HTR7: variants seen among roughly 807,000 people sequenced by gnomAD.
HTR7 encodes 5-HT-7.
In HTR7, 16 loss-of-function variants were observed where a neutral mutation model predicts 34.0. The ratio of observed to expected loss-of-function variants is 0.47; its 90% CI spans 0.32 to 0.71. The LOEUF (loss-of-function observed/expected upper bound fraction) is 0.71. Ranked by LOEUF, HTR7 falls within the 30% of genes least tolerant of loss-of-function variation. HTR7 has a pLI of 0.04. For synonymous variants in HTR7, 265 were observed against 260.2 expected (o/e 1.02, Z -0.18); for missense variants, 504 against 625.5 (o/e 0.81, Z 2.07).
intron 1 of HTR7, among the ~76,000 whole-genome samples, chr10:90,751,379 T>C (rs1333866856): frequency 6.6e-6 from 1 of 152,170 alleles, no homozygotes; most frequent in African/African-American, 2.4e-5. Context: ...CCTGTGAATG[T>C]GGCCTTTTGG....
chr10:90,821,132 ATG>A (rs1436771307), intron 1 of HTR7, among the ~76,000 whole-genome samples: 5 of 98,526 alleles, frequency 5.1e-5, no homozygotes, highest in East Asian at 3.2e-4. Context: ...ACACACACAC[ATG>A]CACACACACA....
At chr10:90,832,776 C>T (rs1221165659) in intron 1 of HTR7, among the ~76,000 whole-genome samples, 1 of 152,126 alleles carries the variant, frequency 6.6e-6, no homozygotes, top group Non-Finnish European at 1.5e-5. Flanking sequence ...ACAGAACATT[C>T]GCCATCCCAG....
At chr10:90,839,799 C>T (rs1407644903) in intron 1 of HTR7, among the ~76,000 whole-genome samples, 2 of 151,934 alleles carry the variant, frequency 1.3e-5, no homozygotes, top group Admixed American at 6.6e-5. Flanking sequence ...GACAGAAGTG[C>T]TAATAAAACA....
At chr10:90,830,550 G>T (rs970984140) in intron 1 of HTR7, among the ~76,000 whole-genome samples, 2 of 152,166 alleles carry the variant, frequency 1.3e-5, no homozygotes, top group African/African-American at 4.8e-5. Flanking sequence ...ACTTTGGGAG[G>T]CCGATGTAGC....
chr10:90,830,444 AAGTTGCC>A (rs1846148856), intron 1 of HTR7, among the ~76,000 whole-genome samples: 1 of 152,196 alleles, frequency 6.6e-6, no homozygotes, highest in Non-Finnish European at 1.5e-5. Context: ...CATAGCTGAA[AAGTTGCC>A]TAAGTACAGC....
chr10:90,758,958 T>G (rs1190275319), intron 1 of HTR7, among the ~76,000 whole-genome samples: 1 of 148,818 alleles, frequency 6.7e-6, no homozygotes, highest in Admixed American at 6.7e-5. Context: ...GAGGCTGAGG[T>G]GGGCAGATCA....
chr10:90,801,636 G>C (rs1161153251), intron 1 of HTR7, among the ~76,000 whole-genome samples: 1 of 152,184 alleles, frequency 6.6e-6, no homozygotes, highest in Non-Finnish European at 1.5e-5. Flanking sequence ...AGAGGGTCAA[G>C]GGGAAAGCTC....
At chr10:90,755,200 C>A (rs1284335753) in intron 1 of HTR7, among the ~76,000 whole-genome samples, 2 of 152,186 alleles carry the variant, frequency 1.3e-5, no homozygotes, top group Non-Finnish European at 2.9e-5. Flanking sequence ...CAGTTTGCTT[C>A]CAGTTTAGCC....
intron 1 of HTR7, among the ~76,000 whole-genome samples, chr10:90,852,540 T>C (rs1268889881): frequency 6.6e-5 from 10 of 152,142 alleles, no homozygotes. Flanking sequence ...GACTTGCACA[T>C]AAATAAATGT....
At chr10:90,760,773 T>C (rs1426500895) in intron 1 of HTR7, among the ~76,000 whole-genome samples, 1 of 151,974 alleles carries the variant, frequency 6.6e-6, no homozygotes, top group Non-Finnish European at 1.5e-5. Context: ...CCCAGCTACT[T>C]GGGAGGCTGA....
intron 1 of HTR7, among the ~76,000 whole-genome samples, chr10:90,851,695 T>G (rs544231468): frequency 1.3e-5 from 2 of 148,710 alleles, no homozygotes. Flanking sequence ...TAGCAAACCC[T>G]CAGTAATATG....
At chr10:90,770,210 C>T (rs947332185) in intron 1 of HTR7, among the ~76,000 whole-genome samples, 2 of 151,890 alleles carry the variant, frequency 1.3e-5, no homozygotes, top group African/African-American at 2.4e-5. Flanking sequence ...GATGGTGCTG[C>T]GCTCCATGGA....
At chr10:90,758,916 G>A (rs1277514188) in intron 1 of HTR7, among the ~76,000 whole-genome samples, 1 of 152,180 alleles carries the variant, frequency 6.6e-6, no homozygotes, top group Non-Finnish European at 1.5e-5. Flanking sequence ...GGCCGGGCGT[G>A]GTGGCTCATG....
At chr10:90,844,809 T>A (rs1017981323) in intron 1 of HTR7, among the ~76,000 whole-genome samples, 3 of 136,016 alleles carry the variant, frequency 2.2e-5, no homozygotes, top group Non-Finnish European at 4.6e-5. Context: ...CACATTGGGA[T>A]CATCTGGAGG....
chr10:90,847,223 GT>G (rs1846424977), intron 1 of HTR7, among the ~76,000 whole-genome samples: 1 of 152,090 alleles, frequency 6.6e-6, no homozygotes, highest in African/African-American at 2.4e-5. Flanking sequence ...ACCTCACAAT[GT>G]TGTAGAGGGG....
At chr10:90,827,954 C>T (rs891171579) in intron 1 of HTR7, among the ~76,000 whole-genome samples, 1 of 152,090 alleles carries the variant, frequency 6.6e-6, no homozygotes, top group African/African-American at 2.4e-5. Context: ...AAGGATAGAC[C>T]ATATATTAGG....
At position 90,857,481 on chromosome 10, in the gene HTR7, G is replaced by A. The variant is rs559691526; in HGVS notation, c.191C>T (p.Pro64Leu). The change falls in exon 1 of 4, where the codon CCG becomes CTG. Residue 64 changes from proline (P) to leucine (L), a missense_variant. Transcript: ENST00000336152. This position sits in a 1 kb window ranked among gnomAD's most constrained non-coding sequence, Gnocchi z 6.5. The part of the protein sequence containing the change: ...ASPAPTWDAP[P>L]DNASGCGEQI... ...TTCCCCACAGCCGGAGGCATTGTCCGGGGGCGCGTCCCAGGTGGGCGCCGG... is the reference window on the plus strand; with the variant it reads ...TTCCCCACAGCCGGAGGCATTGTCCAGGGGCGCGTCCCAGGTGGGCGCCGG... 2 of 1,613,454 alleles carry A rather than the reference G, an allele frequency of 1.2e-6. No individual in the cohort carries two copies. Among genetic ancestry groups the A allele is most frequent in the Non-Finnish European group, 1.7e-6 (2 of 1,179,960 alleles).
chr10:90,815,157 T>A (rs1303216706), intron 1 of HTR7, among the ~76,000 whole-genome samples: 1 of 151,926 alleles, frequency 6.6e-6, no homozygotes, highest in East Asian at 1.9e-4. Flanking sequence ...GGTGGTGCGA[T>A]CTCGGCTCAC....
At chr10:90,826,351 A>G (rs755475641) in intron 1 of HTR7, among the ~76,000 whole-genome samples, 4 of 152,188 alleles carry the variant, frequency 2.6e-5, no homozygotes, top group Non-Finnish European at 5.9e-5. Context: ...AGTAAACGGA[A>G]TTTTTTCAGT....
Sources: allele counts gnomAD v4.1 joint callset (sites outside exome capture counted in the v4.1 genomes callset), GRCh38; gene constraint gnomAD v4.1.1; non-coding constraint Gnocchi (gnomAD v3.1); transcripts MANE v1.5; gene names NCBI Gene and HGNC (gene_info 2026-07-23, HGNC 2026-07-21).